The following FNTA variants were observed in gnomAD, a reference collection of about 807,000 sequenced individuals.
The protein encoded by FNTA is protein farnesyltransferase/geranylgeranyltransferase type-1 subunit alpha.
In FNTA, 27 loss-of-function variants were observed where a neutral mutation model predicts 55.2. The ratio of observed to expected loss-of-function variants is 0.49; its 90% confidence interval spans 0.36 to 0.67. The LOEUF (loss-of-function observed/expected upper bound fraction) is 0.67. FNTA is among the 30% of genes least tolerant of loss of function. The pLI, the probability that FNTA is intolerant of heterozygous loss-of-function variation, is 0.00. For missense variants in FNTA, 422 were observed against 464.7 expected, an observed-to-expected ratio of 0.91 and a Z score of 0.85; for synonymous variants, 176 against 170.7, an observed-to-expected ratio of 1.03 and a Z score of -0.24.
In FNTA at chr8:43,064,207, TAC is replaced by T; in HGVS notation, c.395_396del (p.Thr132SerfsTer18). The T allele has an allele frequency of 6.3e-7, 1 of 1,595,064 alleles. No individual in the cohort carries two copies. The highest frequency in any genetic ancestry group is 8.6e-7 in the Non-Finnish European group (1 of 1,162,688). ...DAIELNAANY[T>X]VWHFRRVLLK... is the part of the protein sequence containing the mutation. Reference sequence around the variant, plus strand: ...CTATTGAGTTAAATGCAGCCAATTATACAGTGTGGTAAGTAATACACATCATC... The same window carrying T: ...CTATTGAGTTAAATGCAGCCAATTATAGTGTGGTAAGTAATACACATCATC... On this transcript the variant is annotated frameshift_variant, in exon 3 of 9. Transcript: ENST00000302279. LOFTEE classifies it high-confidence loss of function.
intron 5 of FNTA, among the ~76,000 whole-genome samples, chr8:43,072,626 C>G (rs1810817773): frequency 6.6e-6 from 1 of 152,008 alleles, no homozygotes; most frequent in South Asian, 2.1e-4. Flanking sequence ...GCTTGGGAGG[C>G]TGAGGCAGGA....
rs112628525 is a variant in FNTA at position 43,064,086 on chromosome 8, G to T, written c.287-15G>T. On this transcript the variant is annotated splice_polypyrimidine_tract_variant and intron_variant, in intron 2 of 8. Coordinates refer to ENST00000302279, the MANE Select transcript of FNTA (RefSeq NM_002027.3). ...AGTAAGATGGTCCTAATGTAGTTGT[G>T]TGCTCTATCTCTAGTTAGAGATGTT... 1.7e-3 allele frequency: 2,490 copies of T among 1,494,768 alleles called. 33 individuals are homozygous for T. The African/African-American group carries it at 0.029, about 17-fold the overall frequency. 92.6% of individuals were successfully genotyped at this position (1,494,768 alleles called of 1,614,324 possible). A position where few individuals can be genotyped will look rare whatever the true frequency, so the allele number is the denominator to read the frequency against.
At chr8:43,068,216 TG>T (rs1335780699) in intron 3 of FNTA, among the ~76,000 whole-genome samples, 4 of 152,178 alleles carry the variant, frequency 2.6e-5, no homozygotes, top group African/African-American at 7.2e-5. Context: ...TTTGCCACGT[TG>T]GCCAGGCTGG....
At chr8:43,071,779 G>T (rs1316357388) in intron 4 of FNTA, among the ~76,000 whole-genome samples, 4 of 151,858 alleles carry the variant, frequency 2.6e-5, no homozygotes. Context: ...AGTAAATTCA[G>T]TTCTGCCCAC....
At chr8:43,074,319 T>C (rs1810859350) in intron 5 of FNTA, among the ~76,000 whole-genome samples, 1 of 151,990 alleles carries the variant, frequency 6.6e-6, no homozygotes, top group Non-Finnish European at 1.5e-5. Flanking sequence ...AGGCCAGGAG[T>C]TCACGACTAG....
intron 2 of FNTA, among the ~76,000 whole-genome samples, chr8:43,060,539 G>C (rs1351281242): frequency 1.3e-5 from 2 of 152,094 alleles, no homozygotes; most frequent in African/African-American, 4.8e-5. Context: ...GCTGGGCGTG[G>C]TGGCAGGCGC....
rs371054411 is a variant in FNTA, at chr8:43,072,322, G to T, written c.633+15G>T. 4 of 1,521,476 alleles carry T rather than the reference G, an allele frequency of 2.6e-6. No homozygotes were observed. In the African/African-American group the frequency reaches 4.3e-5, roughly 16 times the overall value. 94.2% of individuals were successfully genotyped at this position (1,521,476 alleles called of 1,614,324 possible). A position where few individuals can be genotyped will look rare whatever the true frequency, so the allele number is the denominator to read the frequency against. ...GGGTTATTCAGGTATTGCCTTTCTT[G>T]TACAGTGTTTTTCAGATTTTTTTTT... On this transcript the variant is annotated intron_variant, in intron 5 of 8. Transcript: ENST00000302279.
rs757943511 is a variant in FNTA, at chr8:43,056,437, C to G, written c.91C>G (p.Pro31Ala). ...QPPPQPHPPP[P>A]QQQHKEEMAA... is the part of the protein sequence containing the mutation. The stretch of plus-strand genomic sequence containing the variant: ...CCCGCCCCAGCCGCACCCACCGCCG[C>G]CCCAGCAGCAGCACAAGGAAGAGAT... Residue 31 changes from proline (P) to alanine (A), a missense_variant, in exon 1 of 9, where the codon CCC becomes GCC. By Grantham distance (27) the Pro-to-Ala change is conservative. Around this residue, in one of 2 missense-constraint regions of FNTA, gnomAD observed 160 missense variants for 121.6 expected, o/e 1.32. Coordinates refer to ENST00000302279, the MANE Select transcript of FNTA (RefSeq NM_002027.3). The G allele has an allele frequency of 5.2e-6, 8 of 1,546,070 alleles. No individual in the cohort carries two copies. The Admixed American group carries it at 1.6e-4, about 30-fold the overall frequency.
intron 1 of FNTA, among the ~76,000 whole-genome samples, chr8:43,058,308 C>T (rs1042477566): frequency 2.6e-5 from 4 of 152,150 alleles, no homozygotes; most frequent in African/African-American, 9.7e-5. Flanking sequence ...TGTCAGATTC[C>T]AGAGCCTGTC....
In FNTA at chr8:43,085,171, C is replaced by A. The variant is rs542021537; in HGVS notation, c.1029C>A (p.Ile343=). The change falls in exon 9 of 9, where the codon ATC becomes ATA. Residue 343 remains isoleucine (I), a synonymous_variant. Coordinates refer to ENST00000302279, the MANE Select transcript of FNTA (RefSeq NM_002027.3). ...TTTTTCATTTTCAGTTATGTGAAAT[C>A]CTAGCTAAAGAAAAGGACACTATAA... is the stretch of plus-strand genomic sequence containing the variant. ...ILNKALELCE[I]LAKEKDTIRK... The A allele has an allele frequency of 8.4e-6, 13 of 1,541,952 alleles. No homozygotes were observed. In the East Asian group the frequency reaches 2.9e-4, roughly 35 times the overall value.
chr8:43,082,520 C>T (rs1300980521), intron 6 of FNTA: 1 of 152,130 alleles, frequency 6.6e-6, no homozygotes, highest in Non-Finnish European at 1.5e-5. Context: ...CTGATGTTTC[C>T]TTCAAAAGGA....
At chr8:43,075,201 G>A (rs529234614) in intron 5 of FNTA, among the ~76,000 whole-genome samples, 22 of 152,104 alleles carry the variant, frequency 1.4e-4, no homozygotes, top group Non-Finnish European at 2.8e-4. Flanking sequence ...TCTATCCTTA[G>A]CATGCTGGAG....
rs758595181 is a variant in FNTA at position 43,059,226 on chromosome 8, A to G, written c.286+49A>G. 3.8e-6 allele frequency: 5 copies of G among 1,329,152 alleles called. No homozygotes were observed. The East Asian group carries it at 1.2e-4, about 32-fold the overall frequency. The allele number at this position is 1,329,152 out of a possible 1,614,324, so 82.3% of individuals were successfully genotyped here. A position where few individuals can be genotyped will look rare whatever the true frequency, so the allele number is the denominator to read the frequency against. The stretch of plus-strand genomic sequence containing the variant: ...AGGTCTGTAAGTTAAATATAGTAGC[A>G]GAATTGGAATTCACAACTATGTAGC... On this transcript the variant is annotated intron_variant, in intron 2 of 8. Transcript: ENST00000302279.
intron 4 of FNTA, 89 bp downstream of exon 4, chr8:43,069,748 G>A (rs1586657042): frequency 2.7e-6 from 2 of 747,358 alleles, no homozygotes; most frequent in Non-Finnish European, 4.6e-6. Context: ...GGGTTCAAGT[G>A]ATTCTCCAGC....
chr8:43,077,290 C>T lies in FNTA; in HGVS notation c.708C>T (p.Val236=), dbSNP rs144005707. Residue 236 remains valine (V), a synonymous_variant, in exon 6 of 9, where the codon GTC becomes GTT. Transcript: ENST00000302279. ...LLKEDVRNNS[V]WNQRYFVISN... ...AAGAGGATGTGAGAAATAACTCTGT[C>T]TGGAACCAAAGATACTTCGTTATTT... is the stretch of plus-strand genomic sequence containing the variant. The T allele has an allele frequency of 3.1e-6, 5 of 1,612,084 alleles. No homozygotes were observed. The Admixed American group carries it at 6.7e-5, about 22-fold the overall frequency.
At chr8:43,060,913 C>T (rs1238640868) in intron 2 of FNTA, among the ~76,000 whole-genome samples, 2 of 152,010 alleles carry the variant, frequency 1.3e-5, no homozygotes, top group African/African-American at 4.8e-5. Context: ...GATAAGGAGA[C>T]AGAGAGTTTA....
At chr8:43,063,087 C>CTT (rs35545408) in intron 2 of FNTA, among the ~76,000 whole-genome samples, 130 of 134,574 alleles carry the variant, frequency 9.7e-4, no homozygotes, top group African/African-American at 2.9e-3. Context: ...CTGGCAGTTC[C>CTT]TTTTTTTTTT....
At chr8:43,065,191 C>T (rs570541242) in intron 3 of FNTA, among the ~76,000 whole-genome samples, 1 of 151,926 alleles carries the variant, frequency 6.6e-6, no homozygotes, top group Non-Finnish European at 1.5e-5. Flanking sequence ...TCTCCACTAC[C>T]CTCCCTCCAT....
chr8:43,071,710 A>G (rs1035153828), intron 4 of FNTA, among the ~76,000 whole-genome samples: 2 of 148,268 alleles, frequency 1.3e-5, no homozygotes, highest in Non-Finnish European at 3.0e-5. Flanking sequence ...AAAAAAAAAA[A>G]ACAAAAAAAC....
Sources: allele counts gnomAD v4.1 joint callset (sites outside exome capture counted in the v4.1 genomes callset), GRCh38; gene constraint gnomAD v4.1.1; regional missense constraint gnomAD v4.1.1; transcripts MANE v1.5; gene names NCBI Gene and HGNC (gene_info 2026-07-23, HGNC 2026-07-21).